The following CTNND2 variants were observed in gnomAD, a reference collection of about 807,000 sequenced individuals.
The protein encoded by CTNND2 is catenin delta 2.
A neutral mutation model predicts 144.4 loss-of-function variants in CTNND2; 22 were observed. The ratio of observed to expected loss-of-function variants is 0.15; its 90% CI spans 0.11 to 0.22. The LOEUF is 0.22. CTNND2 is among the 10% of genes least tolerant of loss of function. The pLI is 1.00. For synonymous variants in CTNND2, 751 were observed against 695.6 expected, an observed-to-expected ratio of 1.08 and a Z score of -1.25; for missense variants, 1,353 against 1,618.8, an observed-to-expected ratio of 0.84 and a Z score of 2.82.
intron 1 of CTNND2, among the ~76,000 whole-genome samples, chr5:11,847,157 TATA>T: frequency 8.0e-6 from 1 of 125,376 alleles, no homozygotes; most frequent in Non-Finnish European, 1.6e-5. Flanking sequence ...TATATATATA[TATA>T]TATATATATA....
chr5:11,051,882 C>A (rs185628900), intron 16 of CTNND2, among the ~76,000 whole-genome samples: 1 of 152,120 alleles, frequency 6.6e-6, no homozygotes, highest in Non-Finnish European at 1.5e-5. Flanking sequence ...TTTAAAAATA[C>A]TAAATTTTTG....
At chr5:11,022,617 G>C in intron 17 of CTNND2, 152 bp downstream of exon 17, 1 of 653,256 alleles carries the variant, frequency 1.5e-6, no homozygotes. Flanking sequence ...TAAGAGAGAA[G>C]ACTGGAAACC....
At chr5:11,470,067 T>C (rs1051806388) in intron 3 of CTNND2, among the ~76,000 whole-genome samples, 2 of 152,154 alleles carry the variant, frequency 1.3e-5, no homozygotes, top group Admixed American at 6.5e-5. Flanking sequence ...TTCTATGCTA[T>C]CCAACTCCAC....
intron 17 of CTNND2, among the ~76,000 whole-genome samples, chr5:11,021,064 G>C (rs1364022600): frequency 6.6e-6 from 1 of 152,158 alleles, no homozygotes; most frequent in African/African-American, 2.4e-5. Flanking sequence ...GTTTCTTCAA[G>C]TGATTTGTAA....
chr5:11,887,136 G>GCCA (rs1219228698), intron 1 of CTNND2, among the ~76,000 whole-genome samples: 3 of 151,288 alleles, frequency 2.0e-5, no homozygotes, highest in Non-Finnish European at 2.9e-5. Context: ...GGCGCATACC[G>GCCA]CCACGCCCAG....
At chr5:11,625,486 T>A (rs1399626156) in intron 2 of CTNND2, among the ~76,000 whole-genome samples, 1 of 151,620 alleles carries the variant, frequency 6.6e-6, no homozygotes, top group Non-Finnish European at 1.5e-5. Context: ...GGTCATAGAC[T>A]GAAGTGTAGG....
At chr5:11,157,769 A>C (rs1449440933) in intron 12 of CTNND2, among the ~76,000 whole-genome samples, 1 of 152,206 alleles carries the variant, frequency 6.6e-6, no homozygotes, top group Non-Finnish European at 1.5e-5. Flanking sequence ...GACAAACTGA[A>C]TCAAATGGCA....
At chr5:11,276,610 A>G (rs1746560086) in intron 9 of CTNND2, among the ~76,000 whole-genome samples, 1 of 152,196 alleles carries the variant, frequency 6.6e-6, no homozygotes, top group Non-Finnish European at 1.5e-5. Context: ...GTGGCCCCCA[A>G]AAAGATACAT....
chr5:11,569,854 T>C (rs1227254874), intron 2 of CTNND2, among the ~76,000 whole-genome samples: 1 of 152,126 alleles, frequency 6.6e-6, no homozygotes, highest in Non-Finnish European at 1.5e-5. Flanking sequence ...GGGAGGTGAC[T>C]AGATGAACCA....
chr5:11,289,090 C>G (rs1312044), intron 9 of CTNND2, among the ~76,000 whole-genome samples: 4 of 151,814 alleles, frequency 2.6e-5, no homozygotes, highest in East Asian at 3.9e-4. Flanking sequence ...TGCCATCCCC[C>G]CCGCCTGTGC....
intron 2 of CTNND2, among the ~76,000 whole-genome samples, chr5:11,589,571 G>A (rs1260557832): frequency 6.6e-6 from 1 of 152,020 alleles, no homozygotes; most frequent in African/African-American, 2.4e-5. Flanking sequence ...AAGGCTCACA[G>A]GAAAGACAGC....
At position 11,282,342 on chromosome 5, in the gene CTNND2, G is replaced by A. The variant is rs920860603; in HGVS notation, c.1629-45519C>T. The stretch of plus-strand genomic sequence containing the variant: ...GAGTTTTTAAGTGCCCAGAGAAGAT[G>A]TACTCAACAGGGAGAGTTAAGAGGT... On this transcript the variant is annotated intron_variant, in intron 9 of 21. Coordinates refer to ENST00000304623, the MANE Select transcript of CTNND2 (RefSeq NM_001332.4). Among the ~76,000 whole-genome samples the A allele has an allele frequency of 2.6e-5, 4 of 152,170 alleles. No individual in the cohort carries two copies. The East Asian group carries it at 7.7e-4, about 29-fold the overall frequency.
intron 16 of CTNND2, among the ~76,000 whole-genome samples, chr5:11,050,700 A>C (rs907513703): frequency 3.3e-5 from 5 of 152,224 alleles, no homozygotes; most frequent in Non-Finnish European, 7.3e-5. Flanking sequence ...CAAGCCTGCT[A>C]TTAGTTTCAC....
chr5:11,112,556 T>G (rs919657181), intron 13 of CTNND2, among the ~76,000 whole-genome samples: 1 of 152,218 alleles, frequency 6.6e-6, no homozygotes, highest in African/African-American at 2.4e-5. Flanking sequence ...TAAATGTGTG[T>G]TGGGTTCAGC....
At chr5:11,792,665 A>G (rs773861640) in intron 1 of CTNND2, among the ~76,000 whole-genome samples, 8 of 152,242 alleles carry the variant, frequency 5.3e-5, no homozygotes, top group Non-Finnish European at 1.0e-4. Flanking sequence ...GGCTTTTTAT[A>G]AAATTACACT....
At chr5:11,117,066 C>G (rs1398722114) in intron 13 of CTNND2, among the ~76,000 whole-genome samples, 2 of 144,286 alleles carry the variant, frequency 1.4e-5, no homozygotes, top group Non-Finnish European at 3.0e-5. Flanking sequence ...GAGACTCTGT[C>G]TCAAAAAATA....
At chr5:11,769,815 C>T (rs920045256) in intron 1 of CTNND2, among the ~76,000 whole-genome samples, 1 of 152,128 alleles carries the variant, frequency 6.6e-6, no homozygotes, top group African/African-American at 2.4e-5. Flanking sequence ...TTTGGCCATT[C>T]ATAAATATGT....
intron 1 of CTNND2, among the ~76,000 whole-genome samples, chr5:11,753,685 T>C (rs1269945197): frequency 3.3e-5 from 5 of 151,910 alleles, no homozygotes; most frequent in East Asian, 1.9e-4. Context: ...GCTGTCCTCA[T>C]AGAATAAGTT....
chr5:11,491,369 CT>C (rs1357897104), intron 3 of CTNND2, among the ~76,000 whole-genome samples: 1 of 152,284 alleles, frequency 6.6e-6, no homozygotes. Flanking sequence ...AAAGTGCTTT[CT>C]TTTTTCCCAT....
Sources: allele counts gnomAD v4.1 joint callset (sites outside exome capture counted in the v4.1 genomes callset), GRCh38; gene constraint gnomAD v4.1.1; transcripts MANE v1.5; gene names NCBI Gene and HGNC (gene_info 2026-07-23, HGNC 2026-07-21).